ZNF3: variants seen among roughly 807,000 people sequenced by gnomAD.
The protein encoded by ZNF3 is C2-H2 type zinc finger protein.
ZNF3 carries 16 observed loss-of-function variants against 36.9 expected under a neutral mutation model. The ratio of observed to expected loss-of-function variants is 0.43; its 90% CI spans 0.29 to 0.66. ZNF3 has a LOEUF of 0.66. Among genes scored for constraint, ZNF3 ranks in the 30% least tolerant of loss-of-function variants. ZNF3 has a pLI of 0.13. For missense variants in ZNF3, 462 were observed against 543.1 expected (o/e 0.85, Z 1.48); for synonymous variants, 201 against 201.9 (o/e 1.00, Z 0.04).
chr7:100,069,009 T>A (rs1335983167), downstream of ZNF3, among the ~76,000 whole-genome samples: 1 of 151,618 alleles, frequency 6.6e-6, no homozygotes, highest in African/African-American at 2.4e-5. Flanking sequence ...TTTTTTTTTT[T>A]AGGAGAGAGA....
upstream of ZNF3, chr7:100,082,254 GA>G (rs1795075406): frequency 1.3e-5 from 2 of 152,138 alleles, no homozygotes; most frequent in Admixed American, 6.6e-5. Flanking sequence ...TTGACATGAG[GA>G]AAAAACCCGT....
rs565299503 is a variant in ZNF3 at position 100,073,593 on chromosome 7, G to T, written c.272-1381C>A. Among the ~76,000 whole-genome samples the T allele has an allele frequency of 4.0e-5, 6 of 151,834 alleles. No individual in the cohort carries two copies. The South Asian group carries it at 1.2e-3, about 32-fold the overall frequency. ...TCTCAAACTCCTGACCTCAGTATCTGCCCGCCTCAGTCTCCCAAAGTGCTG... is the reference window on the plus strand; with the variant it reads ...TCTCAAACTCCTGACCTCAGTATCTTCCCGCCTCAGTCTCCCAAAGTGCTG... On this transcript the variant is annotated intron_variant, in intron 5 of 5. Transcript: ENST00000299667.
intron 5 of ZNF3, among the ~76,000 whole-genome samples, chr7:100,072,571 G>T (rs1430792020): frequency 6.6e-6 from 1 of 152,198 alleles, no homozygotes; most frequent in Non-Finnish European, 1.5e-5. Context: ...TATAACTGGG[G>T]ACACAGTGAC....
rs200414532 is a variant in ZNF3, at chr7:100,071,311, G to A, written c.1173C>T (p.Thr391=). 97 of 1,613,808 alleles carry A rather than the reference G, an allele frequency of 6.0e-5. No homozygotes were observed. The highest frequency in any genetic ancestry group is 1.3e-4 in the South Asian group (12 of 91,060). ...SGLIQHQRIH[T]GENPYECSEC... ...CACTACATTCATAGGGGTTCTCCCC[G>A]GTGTGGATTCTTTGATGCTGAATAA... The change falls in exon 6 of 6, where the codon ACC becomes ACT. Residue 391 remains threonine (T), a synonymous_variant. Transcript: ENST00000299667.
chr7:100,069,713 A>G (rs768377901), downstream of ZNF3, among the ~76,000 whole-genome samples: 2 of 152,108 alleles, frequency 1.3e-5, no homozygotes, highest in East Asian at 3.9e-4. Context: ...TCCCGGGTTC[A>G]AGTAGTTCTC....
At chr7:100,080,529 A>AT (rs1014910848) in intron 1 of ZNF3, among the ~76,000 whole-genome samples, 2 of 151,674 alleles carry the variant, frequency 1.3e-5, no homozygotes, top group African/African-American at 4.8e-5. Context: ...AAAAAAAAAA[A>AT]GGCCGGGCGC....
At position 100,071,066 on chromosome 7, in the gene ZNF3, A is replaced by C. The variant is rs902256783; in HGVS notation, c.*77T>G. Reference sequence around the variant, plus strand: ...GTCTGAGTTGAAAGGGACACATCCTAAGCTGTTGAGATTTATAGGGTAAGG... The same window carrying C: ...GTCTGAGTTGAAAGGGACACATCCTCAGCTGTTGAGATTTATAGGGTAAGG... On this transcript the variant is annotated 3_prime_UTR_variant, in exon 6 of 6. Coordinates refer to ENST00000299667, the MANE Select transcript of ZNF3 (RefSeq NM_032924.5). 26 of 1,516,402 alleles carry C rather than the reference A, an allele frequency of 1.7e-5. No homozygotes were observed. The highest frequency in any genetic ancestry group is 2.2e-5 in the Non-Finnish European group (25 of 1,135,590). 93.9% of individuals were successfully genotyped at this position (1,516,402 alleles called of 1,614,324 possible). A position where few individuals can be genotyped will look rare whatever the true frequency, so the allele number is the denominator to read the frequency against.
At chr7:100,067,742 G>A (rs941173277), downstream of ZNF3, among the ~76,000 whole-genome samples, 5 of 152,056 alleles carry the variant, frequency 3.3e-5, no homozygotes, top group East Asian at 1.9e-4. Context: ...GCCAGGCAAC[G>A]CTGACACAGA....
At chr7:100,065,617 T>C (rs1792611401), downstream of ZNF3, among the ~76,000 whole-genome samples, 1 of 151,770 alleles carries the variant, frequency 6.6e-6, no homozygotes. Context: ...AGGGCAGCAA[T>C]AATCACTTCA....
chr7:100,065,423 CAA>C (rs111230268), downstream of ZNF3, among the ~76,000 whole-genome samples: 6 of 119,388 alleles, frequency 5.0e-5, no homozygotes, highest in Admixed American at 8.8e-5. Context: ...GACTCTGTCT[CAA>C]AAAAAAAAAA....
At chr7:100,064,196 A>G (rs1393684737) in exon 6 of ZNF3, 1 of 1,614,086 alleles carries the variant, frequency 6.2e-7, no homozygotes, top group African/African-American at 1.3e-5. Flanking sequence ...CGGCCCTATG[A>G]CTGTAAGTGT....
Position 100,071,564 on chromosome 7 carries a change from G to C in ZNF3, c.920C>G (p.Thr307Ser). The change falls in exon 6 of 6, where the codon ACT becomes AGT. Residue 307 changes from threonine to serine, a missense_variant. By Grantham distance (58) the Thr-to-Ser change is moderately conservative (BLOSUM62 1). Transcript: ENST00000299667. ...ATTGCAGGCGTAGGGTTTCTCACCA[G>C]TGTGGATTCTCTGATGGTGGGTGAG... ...STLTHHQRIHTGEKPYACNEC... is the reference protein window; with the variant it reads ...STLTHHQRIHSGEKPYACNEC... 6.2e-7 allele frequency: 1 copy of C among 1,614,118 alleles called. No homozygotes were observed. The highest frequency in any genetic ancestry group is 1.3e-5 in the African/African-American group (1 of 75,018).
At chr7:100,068,660 ATAAAG>A (rs1426054558), downstream of ZNF3, among the ~76,000 whole-genome samples, 4 of 151,668 alleles carry the variant, frequency 2.6e-5, no homozygotes, top group African/African-American at 4.8e-5. Flanking sequence ...ATGGCAATCT[ATAAAG>A]TAATTTCATT....
At chr7:100,079,878 C>A (rs1021694969) in intron 1 of ZNF3, among the ~76,000 whole-genome samples, 1 of 151,768 alleles carries the variant, frequency 6.6e-6, no homozygotes, top group African/African-American at 2.4e-5. Context: ...TTTTAAAATT[C>A]TTTTTGTAGA....
Position 100,072,183 on chromosome 7 carries a change from C to T in ZNF3, c.301G>A (p.Glu101Lys), listed in dbSNP as rs375822544. 863 of 1,595,174 alleles carry T rather than the reference C, an allele frequency of 5.4e-4. 12 individuals are homozygous for T. The South Asian group carries it at 9.3e-3, about 17-fold the overall frequency. ...DRETRTENDQ[E>K]ISEDTRSHGV... ...TGTGATCTTGTGTCTTCAGAAATTT[C>T]TTGATCATTTTCAGTCCTGGTCTCA... is the stretch of plus-strand genomic sequence containing the variant. The change falls in exon 6 of 6, where the codon GAA (glutamate) becomes AAA (lysine). Residue 101 changes from glutamate (E) to lysine (K), a missense_variant. By Grantham distance (56) the Glu-to-Lys change is moderately conservative (BLOSUM62 1). Coordinates refer to ENST00000299667, the MANE Select transcript of ZNF3 (RefSeq NM_032924.5).
chr7:100,075,651 C>A (rs758579321), intron 3 of ZNF3, 21 bp from the exon 4 acceptor site: 1 of 1,612,350 alleles, frequency 6.2e-7, no homozygotes, highest in Non-Finnish European at 8.5e-7. Flanking sequence ...ATAAAAGGGC[C>A]CAGGAATGAG....
chr7:100,080,515 G>GAA (rs200294969), intron 1 of ZNF3, among the ~76,000 whole-genome samples: 3 of 129,020 alleles, frequency 2.3e-5, no homozygotes, highest in Admixed American at 7.8e-5. Context: ...ATTTTAAAAG[G>GAA]AAAAAAAAAA....
chr7:100,064,749 G>A, exon 6 of ZNF3: 1 of 1,614,038 alleles, frequency 6.2e-7, no homozygotes, highest in Non-Finnish European at 8.5e-7. Context: ...GATGCCTGAG[G>A]AGTGCGAGCT....
chr7:100,069,949 C>T (rs1792869763), downstream of ZNF3: 4 of 985,902 alleles, frequency 4.1e-6, no homozygotes, highest in South Asian at 9.4e-5. Context: ...ATGGTCCAAA[C>T]ATTGCACAAA....
Sources: allele counts gnomAD v4.1 joint callset (sites outside exome capture counted in the v4.1 genomes callset), GRCh38; gene constraint gnomAD v4.1.1; transcripts MANE v1.5; gene names NCBI Gene and HGNC (gene_info 2026-07-23, HGNC 2026-07-21).